ERBB4: variants seen among roughly 807,000 people sequenced by gnomAD.
ERBB4 encodes erb-b2 receptor tyrosine kinase 4, also known as receptor tyrosine-protein kinase erbB-4.
ERBB4 carries 42 observed loss-of-function variants against 158.0 expected under a neutral mutation model. The observed-to-expected ratio is 0.27, with a 90% CI of 0.21 to 0.34. The LOEUF (loss-of-function observed/expected upper bound fraction) is 0.34. Ranked by LOEUF, ERBB4 falls within the 10% of genes least tolerant of loss-of-function variation. ERBB4 has a pLI of 1.00. For missense variants in ERBB4, 1,333 were observed against 1,624.1 expected, an observed-to-expected ratio of 0.82 and a Z score of 3.08; for synonymous variants, 583 against 558.7, an observed-to-expected ratio of 1.04 and a Z score of -0.61.
At chr2:211,818,293 G>T (rs766698682) in intron 3 of ERBB4, among the ~76,000 whole-genome samples, 8 of 152,132 alleles carry the variant, frequency 5.3e-5, no homozygotes, top group Non-Finnish European at 8.8e-5. Flanking sequence ...GCCTGTTGGT[G>T]CAGAAGTTGT....
At chr2:211,496,836 C>A (rs1350503789) in intron 20 of ERBB4, among the ~76,000 whole-genome samples, 1 of 152,140 alleles carries the variant, frequency 6.6e-6, no homozygotes, top group African/African-American at 2.4e-5. Context: ...ACGTTTCTAT[C>A]TCCCCTACTT....
intron 20 of ERBB4, among the ~76,000 whole-genome samples, chr2:211,481,702 A>G (rs1044840502): frequency 6.6e-6 from 1 of 152,120 alleles, no homozygotes; most frequent in African/African-American, 2.4e-5. Context: ...CCTATAGCAC[A>G]ATAGGACGAT....
At chr2:211,719,725 C>A (rs538184858) in intron 7 of ERBB4, among the ~76,000 whole-genome samples, 1 of 151,816 alleles carries the variant, frequency 6.6e-6, no homozygotes, top group East Asian at 1.9e-4. Context: ...CATGGTGGCA[C>A]GTGCCTGTAG....
At chr2:212,535,288 A>T (rs1302996930) in intron 1 of ERBB4, among the ~76,000 whole-genome samples, 2 of 152,130 alleles carry the variant, frequency 1.3e-5, no homozygotes, top group Non-Finnish European at 1.5e-5. Context: ...CATTGTACCG[A>T]TAGATGTGCT....
intron 17 of ERBB4, among the ~76,000 whole-genome samples, chr2:211,629,470 C>T (rs2070012331): frequency 1.3e-5 from 2 of 152,104 alleles, no homozygotes. Flanking sequence ...GGCCATCCTG[C>T]CCAAGGTAAT....
chr2:211,383,834 C>G lies in ERBB4; in HGVS notation c.3708G>C (p.Ala1236=), dbSNP rs144821497. ...ILSMPEKAKK[A]FDNPDYWNHS... ...GGTTCCAGTAGTCAGGGTTGTCAAA[C>G]GCTTTCTTGGCCTTCTCTGGCATTG... Residue 1236 remains alanine, a synonymous_variant, in exon 28 of 28, where the codon GCG becomes GCC. Transcript: ENST00000342788. 22 of 1,613,998 alleles carry G rather than the reference C, an allele frequency of 1.4e-5. No individual in the cohort carries two copies. The African/African-American group carries it at 2.7e-4, about 20-fold the overall frequency.
intron 3 of ERBB4, among the ~76,000 whole-genome samples, chr2:211,837,405 C>A (rs896299257): frequency 2.6e-5 from 4 of 152,050 alleles, no homozygotes; most frequent in African/African-American, 9.7e-5. Flanking sequence ...AGATTCTCTG[C>A]ACCAAAGAAA....
intron 3 of ERBB4, among the ~76,000 whole-genome samples, chr2:211,800,721 C>G (rs981029359): frequency 6.7e-6 from 1 of 149,842 alleles, no homozygotes; most frequent in African/African-American, 2.4e-5. Context: ...ATCCCAACCT[C>G]GTCTCTTGAG....
At chr2:211,580,675 T>C (rs2068040111) in intron 19 of ERBB4, among the ~76,000 whole-genome samples, 1 of 149,546 alleles carries the variant, frequency 6.7e-6, no homozygotes, top group Non-Finnish European at 1.5e-5. Context: ...AAAGAGGTCA[T>C]TATATGAAAA....
At chr2:211,878,130 C>CA (rs1278450627) in intron 3 of ERBB4, among the ~76,000 whole-genome samples, 2 of 152,066 alleles carry the variant, frequency 1.3e-5, no homozygotes, top group South Asian at 2.1e-4. Flanking sequence ...CAAACAACAA[C>CA]AAAAAACAAT....
At chr2:211,912,836 G>T (rs1309266317) in intron 3 of ERBB4, among the ~76,000 whole-genome samples, 1 of 152,124 alleles carries the variant, frequency 6.6e-6, no homozygotes, top group East Asian at 1.9e-4. Context: ...CACTTTTAAA[G>T]ACCTGAAAAG....
chr2:211,593,025 G>A (rs200811630), intron 19 of ERBB4, among the ~76,000 whole-genome samples: 10 of 108,030 alleles, frequency 9.3e-5, no homozygotes, highest in African/African-American at 2.1e-4. Context: ...AAAAAAAAAA[G>A]AAGGGCCCTT....
At chr2:211,578,539 C>T (rs2067961700) in intron 19 of ERBB4, among the ~76,000 whole-genome samples, 4 of 152,126 alleles carry the variant, frequency 2.6e-5, no homozygotes. Flanking sequence ...CATCATGGTA[C>T]TAGACTTCAA....
intron 4 of ERBB4, among the ~76,000 whole-genome samples, chr2:211,786,182 T>G (rs111312492): frequency 6.6e-6 from 1 of 152,110 alleles, no homozygotes; most frequent in Non-Finnish European, 1.5e-5. Flanking sequence ...GGTTGAGTGA[T>G]TGGTTGGTGG....
chr2:212,531,753 T>C (rs1380454106), intron 1 of ERBB4, among the ~76,000 whole-genome samples: 3 of 152,056 alleles, frequency 2.0e-5, no homozygotes, highest in African/African-American at 7.2e-5. Flanking sequence ...GAAAAGAAAC[T>C]CTTAAAAGTG....
intron 18 of ERBB4, among the ~76,000 whole-genome samples, chr2:211,622,694 G>T: frequency 6.6e-6 from 1 of 151,622 alleles, no homozygotes; most frequent in Non-Finnish European, 1.5e-5. Flanking sequence ...AGCCGGGCAT[G>T]GTGGCTCATG....
chr2:211,683,797 T>C (rs554836958), intron 12 of ERBB4, among the ~76,000 whole-genome samples: 48 of 152,106 alleles, frequency 3.2e-4, no homozygotes, highest in Admixed American at 8.5e-4. Context: ...TGTACCATTT[T>C]ACACTCTCAC....
intron 1 of ERBB4, among the ~76,000 whole-genome samples, chr2:212,262,645 T>C (rs1025521516): frequency 4.6e-5 from 7 of 152,170 alleles, no homozygotes; most frequent in African/African-American, 1.7e-4. Flanking sequence ...AAAGTGGCTT[T>C]ATTTAAAAGA....
intron 4 of ERBB4, among the ~76,000 whole-genome samples, chr2:211,770,940 G>A (rs1177966319): frequency 6.6e-6 from 1 of 152,160 alleles, no homozygotes; most frequent in African/African-American, 2.4e-5. Flanking sequence ...TCTAAGAGGG[G>A]ACTCGTGTAT....
Sources: allele counts gnomAD v4.1 joint callset (sites outside exome capture counted in the v4.1 genomes callset), GRCh38; gene constraint gnomAD v4.1.1; transcripts MANE v1.5; gene names NCBI Gene and HGNC (gene_info 2026-07-23, HGNC 2026-07-21).